Variants in PCDH7 observed in about 807,000 individuals in gnomAD.
PCDH7 encodes the protein protocadherin 7, also known as protocadherin-7.
A neutral mutation model predicts 58.9 loss-of-function variants in PCDH7; 17 were observed. The ratio of observed to expected loss-of-function variants is 0.29; its 90% CI spans 0.20 to 0.43. PCDH7 has a LOEUF of 0.43. Among genes scored for constraint, PCDH7 ranks in the 20% least tolerant of loss-of-function variants. The pLI is 1.00. For missense variants in PCDH7, 1,274 were observed against 1,441.0 expected, an observed-to-expected ratio of 0.88 and a Z score of 1.88; for synonymous variants, 664 against 616.4, an observed-to-expected ratio of 1.08 and a Z score of -1.14.
At chr4:30,883,116 T>C (rs1198951866) in intron 1 of PCDH7, among the ~76,000 whole-genome samples, 1 of 152,222 alleles carries the variant, frequency 6.6e-6, no homozygotes, top group Non-Finnish European at 1.5e-5. Flanking sequence ...CACTTATCCT[T>C]TCCCTGGACT....
At chr4:30,862,969 T>C (rs1330165524) in intron 1 of PCDH7, among the ~76,000 whole-genome samples, 1 of 152,148 alleles carries the variant, frequency 6.6e-6, no homozygotes, top group African/African-American at 2.4e-5. Flanking sequence ...AAAAAGATTT[T>C]CCAACTGTAT....
intron 2 of PCDH7, among the ~76,000 whole-genome samples, chr4:30,939,227 C>G (rs1326170456): frequency 6.6e-6 from 1 of 152,152 alleles, no homozygotes; most frequent in African/African-American, 2.4e-5. Context: ...CTGTTGAAAA[C>G]TTATGATAAT....
chr4:30,947,721 T>C (rs1472123157), intron 2 of PCDH7, among the ~76,000 whole-genome samples: 2 of 152,182 alleles, frequency 1.3e-5, no homozygotes, highest in East Asian at 1.9e-4. Flanking sequence ...GTGTCCTTCT[T>C]CTAGCTATGT....
At chr4:30,750,049 GT>G (rs554146619) in intron 1 of PCDH7, among the ~76,000 whole-genome samples, 142 of 152,232 alleles carry the variant, frequency 9.3e-4, no homozygotes, top group African/African-American at 3.3e-3. Flanking sequence ...TGGCAGGGAT[GT>G]TGCTAAACCT....
chr4:30,780,501 C>T (rs911455143), intron 1 of PCDH7, among the ~76,000 whole-genome samples: 4 of 147,102 alleles, frequency 2.7e-5, no homozygotes, highest in Admixed American at 6.8e-5. Flanking sequence ...AGCAAGACTC[C>T]GTCGAAAAGA....
At chr4:31,003,156 C>T (rs1752490804) in intron 3 of PCDH7, among the ~76,000 whole-genome samples, 1 of 152,028 alleles carries the variant, frequency 6.6e-6, no homozygotes, top group African/African-American at 2.4e-5. Flanking sequence ...CTCTTGATCA[C>T]CTCTGTAACT....
chr4:30,826,704 A>G (rs1371484551), intron 1 of PCDH7, among the ~76,000 whole-genome samples: 1 of 151,994 alleles, frequency 6.6e-6, no homozygotes, highest in Non-Finnish European at 1.5e-5. Context: ...TAATCTGACT[A>G]TTGATTACCC....
At chr4:31,036,843 G>C (rs1390127813) in intron 3 of PCDH7, among the ~76,000 whole-genome samples, 3 of 152,150 alleles carry the variant, frequency 2.0e-5, no homozygotes, top group Non-Finnish European at 4.4e-5. Flanking sequence ...CATGTCTGGG[G>C]AGGCCTCACA....
chr4:30,994,731 T>C (rs1388119365), intron 3 of PCDH7, among the ~76,000 whole-genome samples: 1 of 152,168 alleles, frequency 6.6e-6, no homozygotes, highest in Admixed American at 6.5e-5. Context: ...TGAAAATGTA[T>C]AAAAAATCAC....
chr4:30,756,858 A>T (rs1719372280), intron 1 of PCDH7, among the ~76,000 whole-genome samples: 1 of 152,124 alleles, frequency 6.6e-6, no homozygotes, highest in Non-Finnish European at 1.5e-5. Context: ...CTGTGAGCTC[A>T]CTACTCTCTG....
chr4:30,762,896 C>G (rs993974798), intron 1 of PCDH7, among the ~76,000 whole-genome samples: 1 of 152,174 alleles, frequency 6.6e-6, no homozygotes, highest in African/African-American at 2.4e-5. Flanking sequence ...CTTGTTTACT[C>G]ACTCCAATGA....
chr4:30,811,537 T>C (rs1394403407), intron 1 of PCDH7, among the ~76,000 whole-genome samples: 1 of 152,208 alleles, frequency 6.6e-6, no homozygotes, highest in Non-Finnish European at 1.5e-5. Flanking sequence ...TTGACTCTGA[T>C]GTTGGAGGGA....
At chr4:31,107,929 T>C (rs181631363) in intron 3 of PCDH7, among the ~76,000 whole-genome samples, 8 of 152,300 alleles carry the variant, frequency 5.3e-5, no homozygotes, top group African/African-American at 1.2e-4. Context: ...GTAGTTGTTA[T>C]TAAATTCACT....
At chr4:30,950,937 C>T (rs1424686860) in intron 3 of PCDH7, among the ~76,000 whole-genome samples, 1 of 152,152 alleles carries the variant, frequency 6.6e-6, no homozygotes, top group East Asian at 1.9e-4. Context: ...AAAACATGAA[C>T]ACTCAGTCAT....
At chr4:30,899,925 CAAT>C (rs1020280026) in intron 1 of PCDH7, among the ~76,000 whole-genome samples, 1 of 151,978 alleles carries the variant, frequency 6.6e-6, no homozygotes, top group Non-Finnish European at 1.5e-5. Context: ...TTGATAATAA[CAAT>C]AATAATAATA....
chr4:30,888,369 A>G (rs939633665), intron 1 of PCDH7, among the ~76,000 whole-genome samples: 11 of 152,214 alleles, frequency 7.2e-5, no homozygotes, highest in Non-Finnish European at 1.5e-4. Flanking sequence ...CAAGAAAGTA[A>G]TCAACAATAT....
chr4:31,043,800 G>A (rs1197906288), intron 3 of PCDH7, among the ~76,000 whole-genome samples: 1 of 152,024 alleles, frequency 6.6e-6, no homozygotes, highest in Admixed American at 6.6e-5. Context: ...CTGTGTAGAA[G>A]TTCTTTAGTT....
rs1463382300 is a variant in PCDH7 at position 30,721,896 on chromosome 4, G to A, written c.474G>A (p.Val158=). The A allele has an allele frequency of 3.1e-6, 5 of 1,590,270 alleles. No homozygotes were observed. Among genetic ancestry groups the A allele is most frequent in the Non-Finnish European group, 4.3e-6 (5 of 1,170,010 alleles). ...TCACGGTGGAGGAGAATCGGCCGGT[G>A]GGCACACTTTACCTGCTGCCCACAG... is the stretch of plus-strand genomic sequence containing the variant. Residue 158 remains valine, a synonymous_variant, in exon 1 of 2, where the codon GTG becomes GTA. Transcript: ENST00000361762. This position sits in a 1 kb window ranked among gnomAD's most constrained non-coding sequence, Gnocchi z 6.7.
At chr4:31,039,139 A>G (rs1210443678) in intron 3 of PCDH7, among the ~76,000 whole-genome samples, 1 of 152,088 alleles carries the variant, frequency 6.6e-6, no homozygotes, top group Non-Finnish European at 1.5e-5. Flanking sequence ...ATTTCTGCTC[A>G]GTGTGGTTTA....
Sources: gnomAD v4.1 joint callset for allele counts (sites outside exome capture counted in the v4.1 genomes callset) on GRCh38, gnomAD v4.1.1 for gene constraint, Gnocchi (gnomAD v3.1) non-coding constraint, MANE v1.5 for transcripts, NCBI Gene and HGNC (gene_info 2026-07-23, HGNC 2026-07-21) for gene names.